CDKAL1: variants seen among roughly 807,000 people sequenced by gnomAD.
CDKAL1 encodes threonylcarbamoyladenosine tRNA methylthiotransferase.
A neutral mutation model predicts 68.2 loss-of-function variants in CDKAL1; 32 were observed. The ratio of observed to expected loss-of-function variants is 0.47; its 90% CI spans 0.35 to 0.63. The LOEUF is 0.63. Among genes scored for constraint, CDKAL1 ranks in the 30% least tolerant of loss-of-function variants. The probability of loss-of-function intolerance (pLI) is 0.00; values close to 1 mark genes in which losing one functional copy is unlikely to be tolerated. For synonymous variants in CDKAL1, 234 were observed against 244.3 expected (o/e 0.96, Z 0.39); for missense variants, 606 against 696.7 (o/e 0.87, Z 1.47).
chr6:20,736,366 C>T (rs1358777095), intron 5 of CDKAL1, among the ~76,000 whole-genome samples: 3 of 152,072 alleles, frequency 2.0e-5, no homozygotes, highest in African/African-American at 7.2e-5. Flanking sequence ...GTTTGCTGAC[C>T]CCTACTTTAG....
chr6:20,859,753 G>A (rs565093092), intron 9 of CDKAL1, among the ~76,000 whole-genome samples: 1 of 152,334 alleles, frequency 6.6e-6, no homozygotes, highest in Admixed American at 6.5e-5. Flanking sequence ...CCTTTGAAGA[G>A]GAATACGGTT....
chr6:20,594,465 T>G (rs1041221657), intron 4 of CDKAL1, among the ~76,000 whole-genome samples: 3 of 152,188 alleles, frequency 2.0e-5, no homozygotes, highest in African/African-American at 7.2e-5. Context: ...TCTTTGTTGG[T>G]TTAAAGTCTG....
intron 9 of CDKAL1, among the ~76,000 whole-genome samples, chr6:20,849,662 T>C (rs1206591219): frequency 1.3e-5 from 2 of 152,160 alleles, no homozygotes; most frequent in Admixed American, 1.3e-4. Flanking sequence ...AAGTCTAATT[T>C]TGGGTAAGAA....
chr6:21,223,616 C>T (rs1166735769), intron 15 of CDKAL1, among the ~76,000 whole-genome samples: 1 of 152,124 alleles, frequency 6.6e-6, no homozygotes, highest in East Asian at 1.9e-4. Context: ...AAGCCCAAGC[C>T]CATCCAGCCC....
intron 13 of CDKAL1, among the ~76,000 whole-genome samples, chr6:21,154,804 A>G (rs545633327): frequency 6.6e-5 from 10 of 152,274 alleles, no homozygotes; most frequent in African/African-American, 2.4e-4. Flanking sequence ...CCTGGCCAAC[A>G]TGATGAAACC....
chr6:21,208,894 G>A (rs921779151), intron 15 of CDKAL1, among the ~76,000 whole-genome samples: 1 of 152,134 alleles, frequency 6.6e-6, no homozygotes, highest in Non-Finnish European at 1.5e-5. Flanking sequence ...TACCTTCCGT[G>A]TACCAATTTG....
chr6:21,024,189 T>C (rs1768833600), intron 11 of CDKAL1, among the ~76,000 whole-genome samples: 1 of 152,232 alleles, frequency 6.6e-6, no homozygotes, highest in Non-Finnish European at 1.5e-5. Context: ...GAGTCAATAG[T>C]ATAAATATTA....
intron 11 of CDKAL1, among the ~76,000 whole-genome samples, chr6:21,024,190 A>G (rs964589493): frequency 6.6e-6 from 1 of 152,258 alleles, no homozygotes; most frequent in Non-Finnish European, 1.5e-5. Flanking sequence ...AGTCAATAGT[A>G]TAAATATTAG....
intron 13 of CDKAL1, among the ~76,000 whole-genome samples, chr6:21,154,311 TAA>T (rs1776544621): frequency 6.6e-6 from 1 of 152,238 alleles, no homozygotes; most frequent in Non-Finnish European, 1.5e-5. Context: ...AAACCCATTC[TAA>T]GGAAACAAAG....
intron 9 of CDKAL1, among the ~76,000 whole-genome samples, chr6:20,873,999 A>T (rs1350622583): frequency 2.6e-5 from 4 of 152,116 alleles, no homozygotes; most frequent in Admixed American, 2.6e-4. Flanking sequence ...GCAGTCCCAG[A>T]TGGGGGAGCT....
rs113542302 is a variant in CDKAL1 at position 20,724,113 on chromosome 6, T to G, written c.372-15406T>G. Among the ~76,000 whole-genome samples the G allele has an allele frequency of 1.3e-3, 197 of 152,188 alleles. 1 individual carries two copies. The highest frequency in any genetic ancestry group is 3.4e-3 in the Middle Eastern group (1 of 294). On this transcript the variant is annotated intron_variant, in intron 5 of 15. Transcript: ENST00000274695. ...ACACCTGGATACTTTTTTTTTGTAT[T>G]TTTTGGTAGAGATGGTGTTTCACCA... is the stretch of plus-strand genomic sequence containing the variant.
At chr6:20,938,682 C>T (rs1405215695) in intron 9 of CDKAL1, among the ~76,000 whole-genome samples, 2 of 151,990 alleles carry the variant, frequency 1.3e-5, no homozygotes, top group African/African-American at 4.8e-5. Flanking sequence ...TGGCTATTCT[C>T]CATTTGTGTG....
At chr6:20,653,581 A>G (rs929189218) in intron 5 of CDKAL1, among the ~76,000 whole-genome samples, 1 of 150,490 alleles carries the variant, frequency 6.6e-6, no homozygotes, top group African/African-American at 2.4e-5. Context: ...CCTCCCGGGT[A>G]CCTGGGATCA....
intron 12 of CDKAL1, among the ~76,000 whole-genome samples, chr6:21,094,790 A>AATCTTT (rs1773235474): frequency 6.6e-6 from 1 of 152,250 alleles, no homozygotes; most frequent in East Asian, 1.9e-4. Context: ...TTTTAAATGA[A>AATCTTT]TGAATGCTTA....
intron 4 of CDKAL1, among the ~76,000 whole-genome samples, chr6:20,553,851 G>A (rs1763929541): frequency 7.9e-5 from 12 of 151,740 alleles, no homozygotes; most frequent in Admixed American, 7.9e-4. Context: ...GCCTCAAGCG[G>A]TCTGCCCACC....
At chr6:20,998,362 A>G (rs994121274) in intron 10 of CDKAL1, among the ~76,000 whole-genome samples, 10 of 152,206 alleles carry the variant, frequency 6.6e-5, no homozygotes, top group Non-Finnish European at 1.3e-4. Context: ...CTGTAATCCC[A>G]GCACTTTGAG....
At chr6:20,979,713 G>A (rs769806050) in intron 10 of CDKAL1, among the ~76,000 whole-genome samples, 2 of 150,792 alleles carry the variant, frequency 1.3e-5, no homozygotes, top group African/African-American at 4.9e-5. Flanking sequence ...TTTGTTTGCT[G>A]TTACCTCAAA....
chr6:20,621,521 T>C (rs1767190296), intron 4 of CDKAL1, among the ~76,000 whole-genome samples: 2 of 152,296 alleles, frequency 1.3e-5, no homozygotes, highest in South Asian at 4.1e-4. Context: ...CCCCCTTTTT[T>C]AGAGTGGTGT....
intron 4 of CDKAL1, among the ~76,000 whole-genome samples, chr6:20,561,483 A>G (rs1489694074): frequency 6.8e-6 from 1 of 146,778 alleles, no homozygotes; most frequent in Non-Finnish European, 1.5e-5. Context: ...AACAGACTGT[A>G]GCCAGCTCTT....
Sources: allele counts gnomAD v4.1 joint callset (sites outside exome capture counted in the v4.1 genomes callset), GRCh38; gene constraint gnomAD v4.1.1; transcripts MANE v1.5; gene names NCBI Gene and HGNC (gene_info 2026-07-23, HGNC 2026-07-21).